The following AKTIP variants were observed in gnomAD, a reference collection of about 807,000 sequenced individuals.
AKTIP encodes AKT interacting protein.
In AKTIP, 16 loss-of-function variants were observed where a neutral mutation model predicts 39.1. That is an observed-to-expected ratio of 0.41 (90% confidence interval 0.28 to 0.62). AKTIP has a LOEUF of 0.62. Among genes scored for constraint, AKTIP ranks in the 20% least tolerant of loss-of-function variants. AKTIP has a pLI of 0.32. For synonymous variants in AKTIP, 93 were observed against 124.3 expected (o/e 0.75, Z 1.67); for missense variants, 262 against 356.6 (o/e 0.73, Z 2.14).
chr16:53,492,208 C>T lies in AKTIP; in HGVS notation c.*204G>A, dbSNP rs1272495232. 1.8e-6 allele frequency: 1 copy of T among 550,584 alleles called. No individual in the cohort carries two copies. The highest frequency in any genetic ancestry group is 3.2e-6 in the Non-Finnish European group (1 of 309,336). 34.1% of individuals were successfully genotyped at this position (550,584 alleles called of 1,614,324 possible). A position where few individuals can be genotyped will look rare whatever the true frequency, so the allele number is the denominator to read the frequency against. On this transcript the variant is annotated 3_prime_UTR_variant, in exon 10 of 10. Transcript: ENST00000394657. ...TGGAGTACTGAACTAGATAACCACC[C>T]TAAGACACTTCTGACAGAAGTAATG...
chr16:53,498,723 G>C (rs890474820), intron 2 of AKTIP, 127 bp from the exon 3 acceptor site: 39 of 954,380 alleles, frequency 4.1e-5, no homozygotes, highest in Middle Eastern at 2.2e-4. Context: ...CCATGACCAA[G>C]ATGACTAGAA....
intron 2 of AKTIP, among the ~76,000 whole-genome samples, chr16:53,499,637 T>C (rs1264883878): frequency 6.6e-6 from 1 of 151,888 alleles, no homozygotes; most frequent in East Asian, 1.9e-4. Context: ...TTTTTTTGTA[T>C]ATTTAGTAGA....
chr16:53,496,172 CACTT>C (rs1961821256), intron 3 of AKTIP, among the ~76,000 whole-genome samples: 2 of 152,190 alleles, frequency 1.3e-5, no homozygotes, highest in Non-Finnish European at 2.9e-5. Flanking sequence ...ACTTTCCATT[CACTT>C]ACTTTTCATC....
Position 53,495,078 on chromosome 16 carries a change from A to C in AKTIP, c.409T>G (p.Cys137Gly), listed in dbSNP as rs370289246. The change falls in exon 5 of 10, where the codon TGT becomes GGT. Residue 137 changes from cysteine to glycine, a missense_variant. Coordinates refer to ENST00000394657, the MANE Select transcript of AKTIP (RefSeq NM_022476.4). ...AGACTGTGTCTCCAACTTACTGGAC[A>C]GTCACCATCTGGATAGTTATCAGGG... ...YIPDNYPDGD[C>G]PRLVFDIPVF... 1 of 1,613,596 alleles carries C rather than the reference A, an allele frequency of 6.2e-7. No individual in the cohort carries two copies. Among genetic ancestry groups the C allele is most frequent in the Non-Finnish European group, 8.5e-7 (1 of 1,179,440 alleles).
chr16:53,500,589 G>A (rs1428780730), intron 1 of AKTIP, among the ~76,000 whole-genome samples: 1 of 152,076 alleles, frequency 6.6e-6, no homozygotes, highest in African/African-American at 2.4e-5. Flanking sequence ...TGTTGGCCAG[G>A]CTGGTCTCGA....
intron 1 of AKTIP, among the ~76,000 whole-genome samples, chr16:53,502,436 G>A (rs1962222929): frequency 6.6e-6 from 1 of 152,228 alleles, no homozygotes; most frequent in South Asian, 2.1e-4. Flanking sequence ...CAGCCTGCGC[G>A]AATGACAGTG....
chr16:53,492,740 T>G lies in AKTIP; in HGVS notation c.724A>C (p.Asn242His). 6.2e-7 allele frequency: 1 copy of G among 1,613,988 alleles called. No individual in the cohort carries two copies. The highest frequency in any genetic ancestry group is 8.5e-7 in the Non-Finnish European group (1 of 1,179,906). Reference protein sequence around the residue: ...DPYAISFSPWNPSVHDEAREK... With the variant: ...DPYAISFSPWHPSVHDEAREK... ...CTGGCTTCATCATGTACAGAAGGATTCCATGGAGAAAAGCTTAAGGAAGAG... is the reference window on the plus strand; with the variant it reads ...CTGGCTTCATCATGTACAGAAGGATGCCATGGAGAAAAGCTTAAGGAAGAG... Residue 242 changes from asparagine (N) to histidine (H), a missense_variant, in exon 9 of 10, where the codon AAT (asparagine) becomes CAT (histidine). Asn to His is a moderately conservative substitution (Grantham distance 68). Transcript: ENST00000394657.
At chr16:53,499,516 C>T (rs190094225) in intron 2 of AKTIP, among the ~76,000 whole-genome samples, 11 of 148,336 alleles carry the variant, frequency 7.4e-5, no homozygotes, top group Admixed American at 2.7e-4. Context: ...AGTGCAGTGG[C>T]GCGATCTCAG....
At chr16:53,493,251 C>T (rs1961606100) in intron 8 of AKTIP, 1 of 158,046 alleles carries the variant, frequency 6.3e-6, no homozygotes, top group African/African-American at 2.4e-5. Flanking sequence ...GCAACTTCTG[C>T]CTCCCTGGTT....
intron 2 of AKTIP, 82 bp from the exon 3 acceptor site, chr16:53,498,678 T>G (rs1648939153): frequency 7.3e-7 from 1 of 1,375,878 alleles, no homozygotes; most frequent in Non-Finnish European, 1.0e-6. Context: ...ATGGCCTAAA[T>G]GCTGGAATTA....
Position 53,498,561 on chromosome 16 carries a change from G to A in AKTIP, c.78C>T (p.Asp26=), listed in dbSNP as rs745639499. The A allele has an allele frequency of 3.0e-5, 48 of 1,614,088 alleles. No individual in the cohort carries two copies. The highest frequency in any genetic ancestry group is 2.0e-4 in the Admixed American group (12 of 60,022). ...CAGTTCGTGGAGGACTGGTTTTCAC[G>A]TCCCCTGTTAATGTCTTCTCTTCAC... ...SEGEEKTLTG[D]VKTSPPRTAP... is the part of the protein sequence containing the mutation. Residue 26 remains aspartate (D), a synonymous_variant, in exon 3 of 10, where the codon GAC becomes GAT. Coordinates refer to ENST00000394657, the MANE Select transcript of AKTIP (RefSeq NM_022476.4).
At position 53,500,380 on chromosome 16, in the gene AKTIP, A is replaced by G. The variant is rs528984980; in HGVS notation, c.-70-51T>C. 1.8e-5 allele frequency: 22 copies of G among 1,251,600 alleles called. No homozygotes were observed. The African/African-American group carries it at 1.9e-4, about 11-fold the overall frequency. The allele number at this position is 1,251,600 out of a possible 1,614,324, so 77.5% of individuals were successfully genotyped here. ...AAACATGCCAACACCAACCATTAAG[A>G]CTTTTTTTTTTTTTTAAGATGGAGT... On this transcript the variant is annotated intron_variant, in intron 1 of 9. Transcript: ENST00000394657.
chr16:53,491,305 A>C lies in AKTIP; in HGVS notation c.*1107T>G, dbSNP rs1234254530. On this transcript the variant is annotated 3_prime_UTR_variant, in exon 10 of 10. Transcript: ENST00000394657. ...TGGGTGTTCCTGGCAGTTTAAAAAA[A>C]TTGGTTGGAGAATTTAGGTTTTTAT... is the stretch of plus-strand genomic sequence containing the variant. The C allele has an allele frequency of 2.0e-5, 3 of 152,190 alleles. No individual in the cohort carries two copies. Among genetic ancestry groups the C allele is most frequent in the East Asian group, 3.8e-4 (2 of 5,198 alleles). 9.4% of individuals were successfully genotyped at this position (152,190 alleles called of 1,614,324 possible).
In AKTIP at chr16:53,503,129, C is replaced by A; in HGVS notation, c.-71+18G>T. 1 of 152,664 alleles carries A rather than the reference C, an allele frequency of 6.6e-6. No homozygotes were observed. The highest frequency in any genetic ancestry group is 1.5e-5 in the Non-Finnish European group (1 of 68,314). 9.5% of individuals were successfully genotyped at this position (152,664 alleles called of 1,614,324 possible). A position where few individuals can be genotyped will look rare whatever the true frequency, so the allele number is the denominator to read the frequency against. On this transcript the variant is annotated intron_variant, in intron 1 of 9. Coordinates refer to ENST00000394657, the MANE Select transcript of AKTIP (RefSeq NM_022476.4). ...CAGCCCTCGCGTACCCACCAGCCTG[C>A]CGGGCAGTAAGCCTCACCCCAGTGC...
At chr16:53,502,602 G>A (rs1257838193) in intron 1 of AKTIP, 1 of 152,336 alleles carries the variant, frequency 6.6e-6, no homozygotes, top group Non-Finnish European at 1.5e-5. Flanking sequence ...GCCCGGGCCA[G>A]GCTCGCTGGG....
At chr16:53,494,955 A>G in intron 5 of AKTIP, 118 bp downstream of exon 5, 1 of 943,488 alleles carries the variant, frequency 1.1e-6, no homozygotes, top group Middle Eastern at 2.1e-4. Flanking sequence ...CCCCTGGACA[A>G]CTACTGGGTA....
At chr16:53,495,784 T>C (rs2150856430) in intron 3 of AKTIP, among the ~76,000 whole-genome samples, 1 of 152,322 alleles carries the variant, frequency 6.6e-6, no homozygotes, top group African/African-American at 2.4e-5. Context: ...TAAAATACAA[T>C]GTTAGATAAA....
chr16:53,492,532 A>G lies in AKTIP; in HGVS notation c.772-13T>C, dbSNP rs1961550028. The G allele has an allele frequency of 2.5e-6, 4 of 1,613,594 alleles. No homozygotes were observed. The highest frequency in any genetic ancestry group is 2.7e-5 in the African/African-American group (2 of 74,926). ...GTTCTTCAGGCTTCTTCTAGGCACAATCAAAACAGATATTTAAAAAATTAC... is the reference window on the plus strand; with the variant it reads ...GTTCTTCAGGCTTCTTCTAGGCACAGTCAAAACAGATATTTAAAAAATTAC... On this transcript the variant is annotated splice_polypyrimidine_tract_variant and intron_variant, in intron 9 of 9. Transcript: ENST00000394657.
At chr16:53,493,195 T>A (rs1961601181) in intron 8 of AKTIP, 1 of 168,324 alleles carries the variant, frequency 5.9e-6, no homozygotes, top group African/African-American at 2.4e-5. Context: ...TCAGCCTCGC[T>A]GGGACTACAG....
Sources: allele counts gnomAD v4.1 joint callset (sites outside exome capture counted in the v4.1 genomes callset), GRCh38; gene constraint gnomAD v4.1.1; transcripts MANE v1.5; gene names NCBI Gene and HGNC (gene_info 2026-07-23, HGNC 2026-07-21).